The following AUTS2 variants were observed in gnomAD, a reference collection of about 807,000 sequenced individuals.
AUTS2 encodes the protein activator of transcription and developmental regulator AUTS2, also known as autism susceptibility gene 2 protein.
A neutral mutation model predicts 112.4 loss-of-function variants in AUTS2; 17 were observed. That is an observed-to-expected ratio of 0.15 (90% CI 0.10 to 0.23). AUTS2 has a LOEUF of 0.23. Among genes scored for constraint, AUTS2 ranks in the 10% least tolerant of loss-of-function variants. The pLI is 1.00. For missense variants in AUTS2, 1,510 were observed against 1,701.6 expected (o/e 0.89, Z 1.98); for synonymous variants, 751 against 702.7 (o/e 1.07, Z -1.09).
intron 5 of AUTS2, among the ~76,000 whole-genome samples, chr7:70,513,997 C>T (rs749087390): frequency 6.6e-6 from 1 of 152,138 alleles, no homozygotes; most frequent in Non-Finnish European, 1.5e-5. Context: ...ATTAAATGAG[C>T]ACTGTATAGA....
chr7:70,416,753 G>A (rs530529056), intron 4 of AUTS2, among the ~76,000 whole-genome samples: 1 of 152,290 alleles, frequency 6.6e-6, no homozygotes, highest in African/African-American at 2.4e-5. Flanking sequence ...CACTCCCAAG[G>A]GACACTGCCT....
intron 5 of AUTS2, among the ~76,000 whole-genome samples, chr7:70,475,107 C>T (rs950984736): frequency 1.3e-5 from 2 of 152,158 alleles, no homozygotes; most frequent in Non-Finnish European, 2.9e-5. Context: ...TGTATATCTG[C>T]CATTCTGATG....
intron 2 of AUTS2, among the ~76,000 whole-genome samples, chr7:69,928,169 T>G (rs1446734232): frequency 6.6e-6 from 1 of 152,154 alleles, no homozygotes; most frequent in African/African-American, 2.4e-5. Flanking sequence ...TCCCTGAGTC[T>G]GGCTGAGTCC....
At chr7:69,687,134 A>G (rs1797096399) in intron 1 of AUTS2, among the ~76,000 whole-genome samples, 1 of 152,236 alleles carries the variant, frequency 6.6e-6, no homozygotes. Context: ...TTGGAAAATT[A>G]CAGGACAGAA....
chr7:70,742,659 G>T (rs1370177759), intron 6 of AUTS2, among the ~76,000 whole-genome samples: 1 of 152,166 alleles, frequency 6.6e-6, no homozygotes, highest in Non-Finnish European at 1.5e-5. Flanking sequence ...CTACTCAGGA[G>T]GGTGAGGCAG....
intron 2 of AUTS2, among the ~76,000 whole-genome samples, chr7:70,098,812 C>T (rs1804335473): frequency 6.6e-6 from 1 of 151,762 alleles, no homozygotes; most frequent in Admixed American, 6.6e-5. Flanking sequence ...AAGCAATTCT[C>T]CTGCCTCAGC....
intron 3 of AUTS2, among the ~76,000 whole-genome samples, chr7:70,124,054 G>A (rs1460281113): frequency 6.6e-6 from 1 of 152,082 alleles, no homozygotes; most frequent in East Asian, 1.9e-4. Context: ...CATTTGACTG[G>A]TGAGATGATA....
At chr7:70,589,799 C>T (rs1802854601) in intron 5 of AUTS2, among the ~76,000 whole-genome samples, 1 of 152,130 alleles carries the variant, frequency 6.6e-6, no homozygotes, top group South Asian at 2.1e-4. Context: ...TAACTCATCA[C>T]CCCAAGCTCC....
At chr7:69,859,709 C>T (rs1584351834) in intron 1 of AUTS2, among the ~76,000 whole-genome samples, 1 of 152,180 alleles carries the variant, frequency 6.6e-6, no homozygotes, top group African/African-American at 2.4e-5. Context: ...GTGCAGGATA[C>T]TTGTTACTGG....
intron 1 of AUTS2, among the ~76,000 whole-genome samples, chr7:69,627,032 GTCT>G (rs1793987435): frequency 6.6e-6 from 1 of 152,206 alleles, no homozygotes; most frequent in Non-Finnish European, 1.5e-5. Context: ...AAATAAAACA[GTCT>G]TCTTGAATGA....
At chr7:70,621,764 GACCAGTGCT>G (rs947764231) in intron 5 of AUTS2, among the ~76,000 whole-genome samples, 21 of 150,598 alleles carry the variant, frequency 1.4e-4, no homozygotes, top group African/African-American at 5.1e-4. Context: ...AAACACAGTG[GACCAGTGCT>G]GAACTTTGCT....
intron 2 of AUTS2, among the ~76,000 whole-genome samples, chr7:70,031,125 C>T (rs1387192793): frequency 2.6e-5 from 4 of 152,106 alleles, no homozygotes; most frequent in Non-Finnish European, 5.9e-5. Context: ...CTGAGTCTAA[C>T]CCCAGATGAC....
intron 4 of AUTS2, among the ~76,000 whole-genome samples, chr7:70,339,560 C>T (rs1399551661): frequency 1.3e-5 from 2 of 152,134 alleles, no homozygotes; most frequent in Non-Finnish European, 1.5e-5. Context: ...GCTAGTCTAG[C>T]GTACCTGTTT....
At chr7:70,026,966 G>A (rs1800548779) in intron 2 of AUTS2, among the ~76,000 whole-genome samples, 1 of 149,966 alleles carries the variant, frequency 6.7e-6, no homozygotes, top group African/African-American at 2.5e-5. Context: ...TGATAGTTTT[G>A]GTGCAAAATC....
intron 4 of AUTS2, among the ~76,000 whole-genome samples, chr7:70,370,837 T>G (rs1792805387): frequency 6.6e-6 from 1 of 152,096 alleles, no homozygotes; most frequent in Admixed American, 6.6e-5. Context: ...TAACACTTGT[T>G]GTCTTTTTTT....
At chr7:70,778,927 C>T (rs1790881696) in intron 14 of AUTS2, among the ~76,000 whole-genome samples, 1 of 152,210 alleles carries the variant, frequency 6.6e-6, no homozygotes, top group Non-Finnish European at 1.5e-5. Context: ...GCCACTTTAG[C>T]AACTTCTTTC....
intron 1 of AUTS2, among the ~76,000 whole-genome samples, chr7:69,854,472 A>T (rs943484936): frequency 3.9e-5 from 6 of 151,966 alleles, no homozygotes; most frequent in Non-Finnish European, 7.4e-5. Context: ...GCATTTTATT[A>T]TTTTTATTTG....
chr7:70,156,244 T>A (rs939923661), intron 4 of AUTS2, among the ~76,000 whole-genome samples: 1 of 152,230 alleles, frequency 6.6e-6, no homozygotes, highest in Non-Finnish European at 1.5e-5. Context: ...GATGTGGCAA[T>A]GCCAGTAAGA....
chr7:70,008,497 G>A (rs1285923961), intron 2 of AUTS2, among the ~76,000 whole-genome samples: 1 of 151,962 alleles, frequency 6.6e-6, no homozygotes, highest in Non-Finnish European at 1.5e-5. Flanking sequence ...CAATCTTTCT[G>A]TGTCAGTGGC....
Sources: allele counts gnomAD v4.1 joint callset (sites outside exome capture counted in the v4.1 genomes callset), GRCh38; gene constraint gnomAD v4.1.1; transcripts MANE v1.5; gene names NCBI Gene and HGNC (gene_info 2026-07-23, HGNC 2026-07-21).